Variants in SFXN5 observed in about 807,000 individuals in gnomAD.
SFXN5 encodes sideroflexin 5.
Under a neutral mutation model 50.2 loss-of-function variants are expected in SFXN5, and 43 were observed. The ratio of observed to expected loss-of-function variants is 0.86; its 90% CI spans 0.67 to 1.11. SFXN5 has a LOEUF of 1.11. SFXN5 is among the 50% of genes least tolerant of loss of function. The pLI is 0.00. For missense variants in SFXN5, 463 were observed against 454.1 expected (o/e 1.02, Z -0.18); for synonymous variants, 203 against 185.8 (o/e 1.09, Z -0.75).
intron 5 of SFXN5, 97 bp from the exon 6 acceptor site, chr2:73,020,361 C>T (rs1453825667): frequency 7.8e-7 from 1 of 1,274,052 alleles, no homozygotes; most frequent in Admixed American, 2.0e-5. Flanking sequence ...CTATCAGTGG[C>T]CCTGATGAAG....
chr2:72,961,276 T>C lies in SFXN5; in HGVS notation c.828-28A>G, dbSNP rs775164009. ...GTGAGGGAGAGAGGAGGGAGCCCCA[T>C]GAGACCCGAAGGTGGGGTGGGCTGG... On this transcript the variant is annotated intron_variant, in intron 12 of 13. Coordinates refer to ENST00000272433, the MANE Select transcript of SFXN5 (RefSeq NM_144579.3). The surrounding 1 kb of genome is among the most constrained non-coding windows in gnomAD (Gnocchi z 4.4). 1 of 1,466,196 alleles carries C rather than the reference T, an allele frequency of 6.8e-7. No individual in the cohort carries two copies. 90.8% of individuals were successfully genotyped at this position (1,466,196 alleles called of 1,614,324 possible). A position where few individuals can be genotyped will look rare whatever the true frequency, so the allele number is the denominator to read the frequency against.
intron 1 of SFXN5, 39 bp downstream of exon 1, chr2:73,071,565 T>G: frequency 6.3e-7 from 1 of 1,591,878 alleles, no homozygotes. Context: ...GTCCTCTCTT[T>G]GCCACCCGCC....
chr2:73,040,421 T>C (rs1378011133), intron 3 of SFXN5, among the ~76,000 whole-genome samples: 1 of 152,232 alleles, frequency 6.6e-6, no homozygotes, highest in East Asian at 1.9e-4. Flanking sequence ...ACCCTTAACC[T>C]GAATTTTTGA....
At chr2:73,067,809 A>G (rs1230212336) in intron 1 of SFXN5, among the ~76,000 whole-genome samples, 2 of 152,218 alleles carry the variant, frequency 1.3e-5, no homozygotes, top group Non-Finnish European at 2.9e-5. Flanking sequence ...AAACTTCCAT[A>G]ATAAAAAGTT....
At chr2:73,038,548 A>C (rs553850749) in intron 3 of SFXN5, among the ~76,000 whole-genome samples, 1 of 152,286 alleles carries the variant, frequency 6.6e-6, no homozygotes, top group Admixed American at 6.5e-5. Flanking sequence ...AGGAACACTT[A>C]AGCCTGAGAG....
intron 2 of SFXN5, 105 bp downstream of exon 2, chr2:73,058,423 T>C: frequency 9.4e-7 from 1 of 1,063,444 alleles, no homozygotes; most frequent in Non-Finnish European, 1.5e-6. Flanking sequence ...TCACCTCCCC[T>C]ATTCTCTTCA....
At chr2:73,041,557 G>A (rs896786354) in intron 2 of SFXN5, 25 of 355,812 alleles carry the variant, frequency 7.0e-5, no homozygotes, top group Middle Eastern at 1.0e-3. Context: ...GGGCATGGTG[G>A]TGCATGCCTG....
At chr2:73,011,111 T>C (rs1032080688) in intron 6 of SFXN5, among the ~76,000 whole-genome samples, 13 of 152,348 alleles carry the variant, frequency 8.5e-5, no homozygotes, top group African/African-American at 3.1e-4. Flanking sequence ...AATTGTGCAG[T>C]GGCACAATCA....
intron 3 of SFXN5, among the ~76,000 whole-genome samples, chr2:73,037,450 A>T (rs1231949912): frequency 6.6e-6 from 1 of 152,204 alleles, no homozygotes; most frequent in Non-Finnish European, 1.5e-5. Context: ...ATATTTGACT[A>T]ACAGAAGTTC....
chr2:73,039,088 C>T (rs1207918145), intron 3 of SFXN5, among the ~76,000 whole-genome samples: 4 of 152,132 alleles, frequency 2.6e-5, no homozygotes, highest in Admixed American at 1.3e-4. Flanking sequence ...CCACTATGCC[C>T]GGCTAATTTT....
At chr2:73,015,181 T>C (rs1188967450) in intron 6 of SFXN5, among the ~76,000 whole-genome samples, 3 of 152,224 alleles carry the variant, frequency 2.0e-5, no homozygotes, top group Non-Finnish European at 2.9e-5. Flanking sequence ...TTGAGTTATG[T>C]TTTATTTTAT....
At chr2:72,990,477 G>C (rs753444370) in intron 9 of SFXN5, among the ~76,000 whole-genome samples, 5 of 152,184 alleles carry the variant, frequency 3.3e-5, no homozygotes, top group Non-Finnish European at 5.9e-5. Flanking sequence ...AAGTGTGGGA[G>C]GAAGCTGGAG....
At position 72,992,468 on chromosome 2, in the gene SFXN5, T is replaced by C. The variant is rs1022342073; in HGVS notation, c.535-4120A>G. 6.6e-6 allele frequency among the ~76,000 whole-genome samples: 1 copy of C among 152,168 alleles called. No individual in the cohort carries two copies. The highest frequency in any genetic ancestry group is 1.5e-5 in the Non-Finnish European group (1 of 68,022). Reference sequence around the variant, plus strand: ...ATATCCATTGCCTGGAGGATGCCTCTGTGTCCAAGGGCTCTAGGCACTCCA... The same window carrying C: ...ATATCCATTGCCTGGAGGATGCCTCCGTGTCCAAGGGCTCTAGGCACTCCA... On this transcript the variant is annotated intron_variant, in intron 9 of 13. Transcript: ENST00000272433. This position sits in a 1 kb window ranked among gnomAD's most constrained non-coding sequence, Gnocchi z 4.5.
chr2:73,020,439 G>A (rs779674043), intron 5 of SFXN5, among the ~76,000 whole-genome samples, 175 bp from the exon 6 acceptor site: 8 of 152,198 alleles, frequency 5.3e-5, no homozygotes, highest in South Asian at 2.1e-4. Flanking sequence ...AGCCCTCACC[G>A]GGGCTGTGTC....
intron 9 of SFXN5, chr2:72,996,445 AG>A (rs1673242954): frequency 2.0e-5 from 3 of 149,978 alleles, no homozygotes; most frequent in Admixed American, 2.0e-4. Flanking sequence ...ATGGTCCCTC[AG>A]GTGGGGCAGT....
At chr2:72,964,869 G>A (rs1421084772) in intron 12 of SFXN5, among the ~76,000 whole-genome samples, 1 of 152,202 alleles carries the variant, frequency 6.6e-6, no homozygotes, top group Non-Finnish European at 1.5e-5. Context: ...CACTAGGCAG[G>A]TCCCAGGCTG....
At chr2:73,059,178 AG>A (rs1682541456) in intron 1 of SFXN5, 1 of 986,344 alleles carries the variant, frequency 1.0e-6, no homozygotes, top group Non-Finnish European at 1.2e-6. Context: ...GCCCCAGAGC[AG>A]GGGCCGTGGA....
Position 72,945,070 on chromosome 2 carries a change from T to C in SFXN5, c.975A>G (p.Ile325Met). 1 of 1,614,052 alleles carries C rather than the reference T, an allele frequency of 6.2e-7. No individual in the cohort carries two copies. Among genetic ancestry groups the C allele is most frequent in the South Asian group, 1.1e-5 (1 of 91,070 alleles). ...CTGTCCGGCTGCTCGTGGCCTGGGC[T>C]ATCTCCGGCTCTAATTGGGATGTTT... ...EIETSQLEPE[I>M]AQATSSRTVV... The change falls in exon 14 of 14, where the codon ATA becomes ATG. Residue 325 changes from isoleucine (I) to methionine (M), a missense_variant. Ile to Met is a conservative substitution (Grantham distance 10). Coordinates refer to ENST00000272433, the MANE Select transcript of SFXN5 (RefSeq NM_144579.3). The surrounding 1 kb of genome is among the most constrained non-coding windows in gnomAD (Gnocchi z 5.8).
intron 10 of SFXN5, among the ~76,000 whole-genome samples, chr2:72,977,074 G>A (rs62148129): frequency 0.14 from 21,772 of 152,116 alleles, 1,768 homozygotes; most frequent in East Asian, 0.32. Context: ...GGACTTCTGG[G>A]GAAGGTCTCC....
Sources: allele counts gnomAD v4.1 joint callset (sites outside exome capture counted in the v4.1 genomes callset), GRCh38; gene constraint gnomAD v4.1.1; non-coding constraint Gnocchi (gnomAD v3.1); transcripts MANE v1.5; gene names NCBI Gene and HGNC (gene_info 2026-07-23, HGNC 2026-07-21).